Variants in KSR2 observed in about 807,000 individuals in gnomAD.
The protein encoded by KSR2 is kinase suppressor of ras 2.
A neutral mutation model predicts 107.8 loss-of-function variants in KSR2; 25 were observed. The observed-to-expected ratio is 0.23, with a 90% CI of 0.17 to 0.32. The LOEUF is 0.32. KSR2 is among the 10% of genes least tolerant of loss of function. The pLI, the probability that KSR2 is intolerant of heterozygous loss-of-function variation, is 1.00. For missense variants in KSR2, 887 were observed against 1,268.9 expected (o/e 0.70, Z 4.57); for synonymous variants, 480 against 507.0 (o/e 0.95, Z 0.71).
At chr12:117,762,097 C>T (rs911117605) in intron 3 of KSR2, among the ~76,000 whole-genome samples, 3 of 152,186 alleles carry the variant, frequency 2.0e-5, no homozygotes, top group African/African-American at 7.2e-5. Flanking sequence ...CTTCCACTGC[C>T]CCATAGCTGG....
intron 1 of KSR2, among the ~76,000 whole-genome samples, chr12:117,876,587 C>T (rs771890385): frequency 1.7e-4 from 26 of 152,222 alleles, no homozygotes; most frequent in Middle Eastern, 6.8e-3. Context: ...TACTAGACAG[C>T]AGGTCCAGTA....
At chr12:117,813,074 T>C (rs1428615469) in intron 3 of KSR2, among the ~76,000 whole-genome samples, 1 of 151,778 alleles carries the variant, frequency 6.6e-6, no homozygotes, top group African/African-American at 2.4e-5. Context: ...AAAAACTGGA[T>C]AGCCACATGC....
intron 3 of KSR2, among the ~76,000 whole-genome samples, chr12:117,841,538 G>T (rs1405382517): frequency 6.6e-6 from 1 of 152,162 alleles, no homozygotes; most frequent in Non-Finnish European, 1.5e-5. Context: ...AATATTATTT[G>T]ATATTTACAT....
At chr12:117,707,146 G>A (rs574507865) in intron 4 of KSR2, among the ~76,000 whole-genome samples, 2 of 152,302 alleles carry the variant, frequency 1.3e-5, no homozygotes, top group East Asian at 1.9e-4. Flanking sequence ...ACTACATATT[G>A]TATGATTCCA....
chr12:117,523,577 C>T (rs1432736359), intron 14 of KSR2, among the ~76,000 whole-genome samples: 1 of 152,224 alleles, frequency 6.6e-6, no homozygotes, highest in Non-Finnish European at 1.5e-5. Flanking sequence ...AATGTTAGTT[C>T]TCTATGAACT....
At chr12:117,762,746 A>C (rs1889085539) in intron 3 of KSR2, among the ~76,000 whole-genome samples, 1 of 152,046 alleles carries the variant, frequency 6.6e-6, no homozygotes, top group Non-Finnish European at 1.5e-5. Context: ...GTGTGCCTGT[A>C]ATCCCAGCTA....
intron 14 of KSR2, among the ~76,000 whole-genome samples, chr12:117,521,696 T>A (rs188917866): frequency 6.6e-6 from 1 of 152,354 alleles, no homozygotes; most frequent in African/African-American, 2.4e-5. Context: ...CACTGTGAAT[T>A]GATCCAGAAT....
chr12:117,525,223 T>C lies in KSR2; in HGVS notation c.1852-4A>G. ...CCTCATCATGGACCTCTTCATTCTG[T>C]GGCCGGAGTGGGAGAGAGGTCAGAA... is the stretch of plus-strand genomic sequence containing the variant. On this transcript the variant is annotated splice_region_variant and splice_polypyrimidine_tract_variant and intron_variant, in intron 13 of 19. Transcript: ENST00000339824. 1.9e-6 allele frequency: 3 copies of C among 1,583,278 alleles called. No homozygotes were observed. The highest frequency in any genetic ancestry group is 2.6e-6 in the Non-Finnish European group (3 of 1,161,228).
chr12:117,921,432 T>C (rs1198944973), intron 1 of KSR2, among the ~76,000 whole-genome samples: 2 of 152,084 alleles, frequency 1.3e-5, no homozygotes, highest in Admixed American at 6.6e-5. Flanking sequence ...CACTTTTTTT[T>C]CCCCTAGAGA....
At chr12:117,622,147 A>C (rs1216916151) in intron 5 of KSR2, among the ~76,000 whole-genome samples, 2 of 152,048 alleles carry the variant, frequency 1.3e-5, no homozygotes, top group Non-Finnish European at 2.9e-5. Flanking sequence ...AGTGACTCCC[A>C]ATGTGACTTT....
intron 3 of KSR2, among the ~76,000 whole-genome samples, chr12:117,847,123 T>C (rs1450676493): frequency 6.6e-6 from 1 of 152,172 alleles, no homozygotes; most frequent in African/African-American, 2.4e-5. Flanking sequence ...GACATCAGTG[T>C]CAACACCAGA....
intron 14 of KSR2, among the ~76,000 whole-genome samples, chr12:117,497,011 G>A (rs559117907): frequency 1.8e-4 from 28 of 151,586 alleles, no homozygotes; most frequent in African/African-American, 6.5e-4. Flanking sequence ...ACCTGTACAT[G>A]GTGGTACAGG....
chr12:117,903,012 ATT>A (rs536711400), intron 1 of KSR2, among the ~76,000 whole-genome samples: 1 of 152,206 alleles, frequency 6.6e-6, no homozygotes, highest in Non-Finnish European at 1.5e-5. Flanking sequence ...GAATTGATAC[ATT>A]TTAAGCACTT....
intron 13 of KSR2, 103 bp downstream of exon 13, chr12:117,526,968 C>G: frequency 1.1e-6 from 1 of 894,730 alleles, no homozygotes; most frequent in Non-Finnish European, 1.9e-6. Flanking sequence ...ACCACAGCCC[C>G]CACCTGACCC....
rs543976080 is a variant in KSR2 at position 117,797,128 on chromosome 12, C to T, written c.473-35604G>A. 2.6e-5 allele frequency among the ~76,000 whole-genome samples: 4 copies of T among 152,328 alleles called. No individual in the cohort carries two copies. The South Asian group carries it at 6.2e-4, about 24-fold the overall frequency. The stretch of plus-strand genomic sequence containing the variant: ...GAATGACCACAGGACAGCAATTCCA[C>T]TTCTAGGCATATACCCCACATTAAA... On this transcript the variant is annotated intron_variant, in intron 3 of 19. Coordinates refer to ENST00000339824, the MANE Select transcript of KSR2 (RefSeq NM_173598.6).
intron 4 of KSR2, among the ~76,000 whole-genome samples, chr12:117,711,192 G>A (rs55759798): frequency 0.15 from 22,443 of 152,230 alleles, 1,744 homozygotes; most frequent in East Asian, 0.24. Flanking sequence ...ACATGAGATA[G>A]ATAAAACAAT....
At chr12:117,476,823 G>A (rs766471371) in intron 16 of KSR2, among the ~76,000 whole-genome samples, 1 of 152,142 alleles carries the variant, frequency 6.6e-6, no homozygotes, top group Non-Finnish European at 1.5e-5. Context: ...TTGCCTCTGA[G>A]GCACCCACCT....
At chr12:117,936,518 TTA>T (rs1895844768) in intron 1 of KSR2, among the ~76,000 whole-genome samples, 2 of 39,702 alleles carry the variant, frequency 5.0e-5, no homozygotes, top group Non-Finnish European at 1.4e-4. Context: ...TATTTTATTA[TTA>T]TTATTATTAT....
At chr12:117,549,585 C>A (rs1317668891) in intron 9 of KSR2, among the ~76,000 whole-genome samples, 1 of 152,004 alleles carries the variant, frequency 6.6e-6, no homozygotes, top group Non-Finnish European at 1.5e-5. Flanking sequence ...CACATGGTGG[C>A]CCCTCAGTAA....
Sources: gnomAD v4.1 joint callset for allele counts (sites outside exome capture counted in the v4.1 genomes callset) on GRCh38, gnomAD v4.1.1 for gene constraint, MANE v1.5 for transcripts, NCBI Gene and HGNC (gene_info 2026-07-23, HGNC 2026-07-21) for gene names.